Variants in CLN3 observed in about 807,000 individuals in gnomAD.
CLN3 encodes the protein battenin.
A neutral mutation model predicts 60.7 loss-of-function variants in CLN3; 49 were observed. The ratio of observed to expected loss-of-function variants is 0.81; its 90% CI spans 0.64 to 1.02. CLN3 has a LOEUF of 1.02. Ranked by LOEUF, CLN3 falls within the 50% of genes least tolerant of loss-of-function variation. CLN3 has a pLI of 0.00. For synonymous variants in CLN3, 256 were observed against 245.8 expected (o/e 1.04, Z -0.39); for missense variants, 516 against 557.4 (o/e 0.93, Z 0.75).
Position 28,482,614 on chromosome 16 carries a change from C to T in CLN3, c.837+12G>A, listed in dbSNP as rs763812265. 1 of 1,614,184 alleles carries T rather than the reference C, an allele frequency of 6.2e-7. No individual in the cohort carries two copies. The highest frequency in any genetic ancestry group is 1.7e-5 in the Admixed American group (1 of 60,006). On this transcript the variant is annotated intron_variant, in intron 11 of 15. Coordinates refer to ENST00000636147, the MANE Select transcript of CLN3 (RefSeq NM_001042432.2). ...AAGCCCCACAGGGACATACCCCAGCCATCATCCGAACCTTGAACACTGTCC... is the reference window on the plus strand; with the variant it reads ...AAGCCCCACAGGGACATACCCCAGCTATCATCCGAACCTTGAACACTGTCC...
intron 14 of CLN3, among the ~76,000 whole-genome samples, chr16:28,479,232 C>A (rs2046047496): frequency 6.6e-6 from 1 of 152,232 alleles, no homozygotes; most frequent in South Asian, 2.1e-4. Flanking sequence ...CCAAGCGGGG[C>A]TTACCCTAGA....
downstream of CLN3, chr16:28,477,074 T>G (rs2520428): frequency 4.2e-6 from 1 of 237,932 alleles, no homozygotes. Context: ...AAGTGGAGGT[T>G]GCAGTGAGCC....
downstream of CLN3, among the ~76,000 whole-genome samples, chr16:28,471,867 C>A (rs890146496): frequency 1.3e-4 from 19 of 151,982 alleles, no homozygotes; most frequent in Admixed American, 4.6e-4. Context: ...ATTGACCTCT[C>A]AGGGATGTCC....
chr16:28,488,581 G>C lies in CLN3; in HGVS notation c.294+10C>G, dbSNP rs367693072. ...GGGTCAGGCAAGGACCAGGTGAGAT[G>C]AGTACGCACAGCCGTAGAGACAGAG... is the stretch of plus-strand genomic sequence containing the variant. On this transcript the variant is annotated intron_variant, in intron 5 of 15. Transcript: ENST00000636147. 8.7e-6 allele frequency: 14 copies of C among 1,613,656 alleles called. No individual in the cohort carries two copies. In the African/African-American group the frequency reaches 9.3e-5, roughly 11 times the overall value.
chr16:28,487,113 G>C (rs1424172104), intron 7 of CLN3: 1 of 402,628 alleles, frequency 2.5e-6, no homozygotes, highest in Non-Finnish European at 4.7e-6. Context: ...GTTTCTCCAT[G>C]TTGGCCAGGC....
chr16:28,481,762 C>T (rs940967921), intron 14 of CLN3, among the ~76,000 whole-genome samples: 2 of 151,924 alleles, frequency 1.3e-5, no homozygotes, highest in African/African-American at 4.8e-5. Flanking sequence ...GAGGCTGAGG[C>T]CGGCAGATCA....
downstream of CLN3, chr16:28,469,967 G>C: frequency 3.4e-6 from 1 of 296,300 alleles, no homozygotes; most frequent in Non-Finnish European, 6.3e-6. Flanking sequence ...GTGAGACTCT[G>C]TCTAAAAAAA....
chr16:28,491,884 G>A, intron 1 of CLN3, 49 bp from the exon 2 acceptor site: 2 of 1,285,620 alleles, frequency 1.6e-6, no homozygotes, highest in Non-Finnish European at 2.2e-6. Context: ...CCCAGCTCCG[G>A]CTTGTCTAGG....
Position 28,489,361 on chromosome 16 carries a change from A to T in CLN3, c.151T>A (p.Ser51Thr). The change falls in exon 4 of 16, where the codon TCT (serine) becomes ACT (threonine). Residue 51 changes from serine (S) to threonine (T), a missense_variant. Transcript: ENST00000636147. ...GCGGCACTCAGCATCACCACATAAG[A>T]GAAGTTGTTGCAAAGGCCCAGCAGC... ...FWLLGLCNNF[S>T]YVVMLSAAHD... The T allele has an allele frequency of 6.2e-7, 1 of 1,613,158 alleles. No individual in the cohort carries two copies. Among genetic ancestry groups the T allele is most frequent in the Non-Finnish European group, 8.5e-7 (1 of 1,179,638 alleles).
At position 28,484,109 on chromosome 16, in the gene CLN3, C is replaced by G. The variant is rs772327361; in HGVS notation, c.687G>C (p.Leu229Phe). Residue 229 changes from leucine (L) to phenylalanine (F), a missense_variant, in exon 10 of 16, where the codon TTG becomes TTC. By Grantham distance (22) the Leu-to-Phe change is conservative. Transcript: ENST00000636147. Reference sequence around the variant, plus strand: ...CCTGGGCCTCAGGAGATGTGAGCAACAAGAAATAGCTAGGAGTAGGATGAA... The same window carrying G: ...CCTGGGCCTCAGGAGATGTGAGCAAGAAGAAATAGCTAGGAGTAGGATGAA... ...IPALLLASYF[L>F]LLTSPEAQDP... The G allele has an allele frequency of 2.5e-6, 4 of 1,609,208 alleles. No homozygotes were observed. In the East Asian group the frequency reaches 8.9e-5, roughly 36 times the overall value.
chr16:28,479,816 TA>T, intron 14 of CLN3: 1 of 181,878 alleles, frequency 5.5e-6, no homozygotes, highest in Non-Finnish European at 1.2e-5. Flanking sequence ...ACATGTAGCT[TA>T]AAACCATAAG....
At chr16:28,490,617 G>A (rs908622380) in intron 3 of CLN3, among the ~76,000 whole-genome samples, 12 of 151,410 alleles carry the variant, frequency 7.9e-5, no homozygotes, top group African/African-American at 1.2e-4. Context: ...AAAAATAGCC[G>A]GGCGTGGTGG....
chr16:28,487,347 G>T (rs1030155507), intron 7 of CLN3, 109 bp downstream of exon 7: 15 of 911,202 alleles, frequency 1.6e-5, no homozygotes, highest in Non-Finnish European at 2.4e-5. Context: ...AGGCTTCTAA[G>T]GGTGACAGAA....
In CLN3 at chr16:28,477,743, G is replaced by A. The variant is rs779338007; in HGVS notation, c.1191C>T (p.Ala397=). The stretch of plus-strand genomic sequence containing the variant: ...TTGCCCGGCCAATGCTGACCTCCAG[G>A]GCGATGTTGTGGAAGGTGTTCACGT... ...AAYVNTFHNI[A]LETSDEHREF... is the part of the protein sequence containing the mutation. Residue 397 remains alanine (A), a synonymous_variant, in exon 15 of 16, where the codon GCC becomes GCT. Transcript: ENST00000636147. 1.2e-6 allele frequency: 2 copies of A among 1,614,186 alleles called. No individual in the cohort carries two copies. The highest frequency in any genetic ancestry group is 3.3e-5 in the Admixed American group (2 of 60,016).
At chr16:28,484,872 C>T (rs1040132126) in intron 9 of CLN3, 11 of 151,860 alleles carry the variant, frequency 7.2e-5, no homozygotes, top group African/African-American at 2.7e-4. Context: ...TTTAAATGGA[C>T]TCACTTTTTC....
chr16:28,482,580 G>A (rs146839771), intron 11 of CLN3, 35 bp from the exon 12 acceptor site: 2 of 1,613,888 alleles, frequency 1.2e-6, no homozygotes, highest in African/African-American at 2.7e-5. Context: ...GGGGGGCCTG[G>A]AGGTGAGCAA....
chr16:28,484,025 C>T lies in CLN3; in HGVS notation c.771G>A (p.Glu257=), dbSNP rs73533466. The change falls in exon 10 of 16, where the codon GAG becomes GAA. Residue 257 remains glutamate, a synonymous_variant. Coordinates refer to ENST00000636147, the MANE Select transcript of CLN3 (RefSeq NM_001042432.2). Reference sequence around the variant, plus strand: ...TCCTACCTGGCTTCGACTCCGGGGCCTCGGTTCTTATGAGGGGCTGCCGGG... The same window carrying T: ...TCCTACCTGGCTTCGACTCCGGGGCTTCGGTTCTTATGAGGGGCTGCCGGG... ...SAARQPLIRT[E]APESKPGSSS... is the part of the protein sequence containing the mutation. The T allele has an allele frequency of 6.9e-4, 1,117 of 1,610,562 alleles. 6 individuals carry two copies. The African/African-American group carries it at 0.013, about 19-fold the overall frequency.
downstream of CLN3, among the ~76,000 whole-genome samples, chr16:28,474,870 A>C (rs1471395273): frequency 6.6e-6 from 1 of 152,200 alleles, no homozygotes; most frequent in Non-Finnish European, 1.5e-5. Flanking sequence ...TGGGAGGCTG[A>C]AGCAGGTGGA....
rs2141721774 is a variant in CLN3, at chr16:28,491,466, G to A, written c.125+16C>T. 6.2e-7 allele frequency: 1 copy of A among 1,612,580 alleles called. No individual in the cohort carries two copies. The highest frequency in any genetic ancestry group is 8.5e-7 in the Non-Finnish European group (1 of 1,179,844). On this transcript the variant is annotated intron_variant, in intron 3 of 15. Transcript: ENST00000636147. ...TCTCATGCCATTGTCACTCGCTGAA[G>A]TCTCAGGCCACTCACCAGAAGCCCA... is the stretch of plus-strand genomic sequence containing the variant.
Sources: gnomAD v4.1 joint callset for allele counts (sites outside exome capture counted in the v4.1 genomes callset) on GRCh38, gnomAD v4.1.1 for gene constraint, MANE v1.5 for transcripts, NCBI Gene and HGNC (gene_info 2026-07-23, HGNC 2026-07-21) for gene names.